The following MAPRE2 variants were observed in gnomAD, a reference collection of about 807,000 sequenced individuals.
MAPRE2 encodes the protein microtubule-associated protein RP/EB family member 2.
A neutral mutation model predicts 43.2 loss-of-function variants in MAPRE2; 13 were observed. That is an observed-to-expected ratio of 0.30 (90% CI 0.20 to 0.48). The LOEUF is 0.48. Ranked by LOEUF, MAPRE2 falls within the 20% of genes least tolerant of loss-of-function variation. The probability of loss-of-function intolerance (pLI) is 0.99; values close to 1 mark genes in which losing one functional copy is unlikely to be tolerated. For missense variants in MAPRE2, 161 were observed against 400.2 expected (o/e 0.40, Z 5.10); for synonymous variants, 135 against 148.8 (o/e 0.91, Z 0.68).
intron 2 of MAPRE2, among the ~76,000 whole-genome samples, chr18:35,024,808 G>C (rs1020682325): frequency 7.2e-5 from 11 of 152,150 alleles, no homozygotes; most frequent in African/African-American, 2.7e-4. Context: ...ATAAACTAGT[G>C]CTAACCTCTG....
chr18:34,985,377 TTATTTTA>T (rs2097019707), intron 1 of MAPRE2, among the ~76,000 whole-genome samples: 1 of 39,984 alleles, frequency 2.5e-5, no homozygotes, highest in Non-Finnish European at 4.0e-5. Flanking sequence ...ATATAATATA[TTATTTTA>T]TATATATATA....
At chr18:35,043,475 C>T (rs1352155531) in intron 1 of MAPRE2, among the ~76,000 whole-genome samples, 1 of 152,198 alleles carries the variant, frequency 6.6e-6, no homozygotes, top group East Asian at 1.9e-4. Context: ...TTAAATGTTA[C>T]GTTTTGGTGA....
intron 2 of MAPRE2, among the ~76,000 whole-genome samples, chr18:35,079,213 C>T (rs1568995495): frequency 6.6e-6 from 1 of 152,118 alleles, no homozygotes; most frequent in Non-Finnish European, 1.5e-5. Context: ...CAAGCTTGTA[C>T]CTGAGAGAAC....
chr18:35,099,304 A>C (rs1908567512), intron 3 of MAPRE2, among the ~76,000 whole-genome samples: 4 of 152,244 alleles, frequency 2.6e-5, no homozygotes, highest in Admixed American at 2.6e-4. Flanking sequence ...CATAAAAGTG[A>C]TTAAATAATA....
chr18:34,995,765 C>G (rs2097026182), intron 1 of MAPRE2, among the ~76,000 whole-genome samples: 1 of 152,118 alleles, frequency 6.6e-6, no homozygotes, highest in African/African-American at 2.4e-5. Flanking sequence ...TAGTTTATCT[C>G]AGTTGGGATC....
intron 2 of MAPRE2, among the ~76,000 whole-genome samples, chr18:35,095,404 A>ACG (rs1465166659): frequency 2.7e-5 from 4 of 147,198 alleles, no homozygotes; most frequent in South Asian, 4.3e-4. Flanking sequence ...ACACACACGC[A>ACG]CACACACACT....
chr18:34,997,677 G>T (rs568338113), intron 1 of MAPRE2, among the ~76,000 whole-genome samples: 2 of 152,118 alleles, frequency 1.3e-5, no homozygotes, highest in Non-Finnish European at 2.9e-5. Flanking sequence ...TTAGCCTGGC[G>T]TGGTGGCAGG....
intron 1 of MAPRE2, among the ~76,000 whole-genome samples, chr18:34,993,747 T>C (rs2097024991): frequency 6.6e-6 from 1 of 152,214 alleles, no homozygotes; most frequent in African/African-American, 2.4e-5. Flanking sequence ...TCCATGACAC[T>C]TTCTCACTCC....
rs1331765898 is a variant in MAPRE2 at position 35,102,119 on chromosome 18, C to T, written c.570C>T (p.Asn190=). The change falls in exon 4 of 7, where the codon AAC becomes AAT. Residue 190 remains asparagine, a synonymous_variant. Transcript: ENST00000300249. ...PPPDPGEQIF[N]LPKKSHHANS... ...CTGACCCTGGTGAACAGATCTTCAA[C>T]CTGCCAAAAAAGTCTCACCATGCAA... The T allele has an allele frequency of 6.2e-7, 1 of 1,606,916 alleles. No individual in the cohort carries two copies. The highest frequency in any genetic ancestry group is 1.3e-5 in the African/African-American group (1 of 74,396).
At chr18:35,123,054 T>C (rs1277888756) in intron 4 of MAPRE2, among the ~76,000 whole-genome samples, 2 of 152,218 alleles carry the variant, frequency 1.3e-5, no homozygotes, top group East Asian at 3.9e-4. Flanking sequence ...GCTGAGCGCC[T>C]CCAGCGGCCG....
chr18:35,079,806 C>T (rs993277000), intron 2 of MAPRE2, among the ~76,000 whole-genome samples: 3 of 152,164 alleles, frequency 2.0e-5, no homozygotes, highest in Non-Finnish European at 2.9e-5. Flanking sequence ...GATGTTTTGA[C>T]TAAGCTTTTA....
At chr18:35,063,520 C>T (rs1446378873) in intron 1 of MAPRE2, among the ~76,000 whole-genome samples, 1 of 151,660 alleles carries the variant, frequency 6.6e-6, no homozygotes, top group African/African-American at 2.4e-5. Context: ...TAGCTTAAAT[C>T]CAAAAGGCCC....
At chr18:35,122,232 C>T (rs1464773028) in intron 4 of MAPRE2, among the ~76,000 whole-genome samples, 1 of 152,122 alleles carries the variant, frequency 6.6e-6, no homozygotes, top group Admixed American at 6.5e-5. Context: ...AAATTACTTC[C>T]GTTTCAAATT....
chr18:35,009,943 C>A (rs2150582557), intron 2 of MAPRE2, among the ~76,000 whole-genome samples: 2 of 152,290 alleles, frequency 1.3e-5, no homozygotes, highest in East Asian at 3.9e-4. Context: ...TCTATGGTCA[C>A]TGCTTTAATT....
At chr18:34,979,863 C>CT (rs1730062354) in intron 1 of MAPRE2, among the ~76,000 whole-genome samples, 1 of 152,058 alleles carries the variant, frequency 6.6e-6, no homozygotes, top group East Asian at 1.9e-4. Context: ...TTCTCTGTAT[C>CT]TTTAACAGGT....
chr18:35,098,307 T>C (rs1476875764), intron 3 of MAPRE2, among the ~76,000 whole-genome samples: 1 of 152,000 alleles, frequency 6.6e-6, no homozygotes, highest in Non-Finnish European at 1.5e-5. Flanking sequence ...TGGAAAGAAA[T>C]GAATTTTGAA....
At chr18:34,996,723 C>T (rs2097026694) in intron 1 of MAPRE2, among the ~76,000 whole-genome samples, 1 of 152,186 alleles carries the variant, frequency 6.6e-6, no homozygotes, top group African/African-American at 2.4e-5. Context: ...TCATAAGTGG[C>T]TAATATGTTG....
At chr18:35,124,298 G>C (rs1422383066) in intron 4 of MAPRE2, among the ~76,000 whole-genome samples, 1 of 152,098 alleles carries the variant, frequency 6.6e-6, no homozygotes, top group East Asian at 1.9e-4. Flanking sequence ...GATCTCATGA[G>C]AACTCACTCA....
chr18:35,051,339 G>A (rs1384077301), intron 1 of MAPRE2, among the ~76,000 whole-genome samples: 2 of 152,206 alleles, frequency 1.3e-5, no homozygotes, highest in Admixed American at 6.5e-5. Context: ...ATGGGGCCTG[G>A]AATACACAGT....
Sources: allele counts gnomAD v4.1 joint callset (sites outside exome capture counted in the v4.1 genomes callset), GRCh38; gene constraint gnomAD v4.1.1; transcripts MANE v1.5; gene names NCBI Gene and HGNC (gene_info 2026-07-23, HGNC 2026-07-21).